Variants in ISM1 observed in about 807,000 individuals in gnomAD.
The protein encoded by ISM1 is isthmin-1.
In ISM1, 25 loss-of-function variants were observed where a neutral mutation model predicts 46.3. That is an observed-to-expected ratio of 0.54 (90% CI 0.39 to 0.75). The LOEUF is 0.75. Among genes scored for constraint, ISM1 ranks in the 30% least tolerant of loss-of-function variants. ISM1 has a pLI of 0.00. For synonymous variants in ISM1, 255 were observed against 256.7 expected, an observed-to-expected ratio of 0.99 and a Z score of 0.06; for missense variants, 536 against 625.4, an observed-to-expected ratio of 0.86 and a Z score of 1.52.
intron 5 of ISM1, among the ~76,000 whole-genome samples, chr20:13,297,532 A>T (rs1232511682): frequency 6.6e-6 from 1 of 152,194 alleles, no homozygotes; most frequent in Admixed American, 6.5e-5. Context: ...CCTGAGACTC[A>T]CTAAACCTGA....
At chr20:13,222,634 G>A in intron 1 of ISM1, among the ~76,000 whole-genome samples, 1 of 152,162 alleles carries the variant, frequency 6.6e-6, no homozygotes. Flanking sequence ...GTTGAAGGTC[G>A]CTTTAGCAAT....
intron 3 of ISM1, among the ~76,000 whole-genome samples, chr20:13,282,011 C>G (rs958478159): frequency 6.6e-6 from 1 of 152,188 alleles, no homozygotes; most frequent in South Asian, 2.1e-4. Context: ...GACTCCAGAC[C>G]TACTGAGTCA....
At chr20:13,251,680 G>C (rs1004718538) in intron 1 of ISM1, among the ~76,000 whole-genome samples, 1 of 152,210 alleles carries the variant, frequency 6.6e-6, no homozygotes, top group Admixed American at 6.5e-5. Flanking sequence ...AGCAAGAGTT[G>C]CAACAGACTC....
intron 1 of ISM1, among the ~76,000 whole-genome samples, chr20:13,263,557 C>T (rs2040011634): frequency 6.6e-6 from 1 of 152,194 alleles, no homozygotes; most frequent in African/African-American, 2.4e-5. Context: ...AAAACTTTTG[C>T]TCTTCCCTTT....
At chr20:13,306,887 C>G in the ISM1 span, among the ~76,000 whole-genome samples, 1 of 152,184 alleles carries the variant, frequency 6.6e-6, no homozygotes, top group East Asian at 1.9e-4. Flanking sequence ...AGGACAGAAT[C>G]TCCTGTCAAG....
chr20:13,294,342 A>C (rs1475039365), intron 5 of ISM1, among the ~76,000 whole-genome samples: 6 of 152,238 alleles, frequency 3.9e-5, no homozygotes, highest in African/African-American at 4.8e-5. Flanking sequence ...ATTGCATTTA[A>C]CAGGAACCGT....
chr20:13,282,955 T>G (rs1242864053), intron 3 of ISM1, among the ~76,000 whole-genome samples: 1 of 152,236 alleles, frequency 6.6e-6, no homozygotes, highest in Non-Finnish European at 1.5e-5. Context: ...CTTCCCAGGA[T>G]AGCCCACATT....
At chr20:13,308,512 C>T in the ISM1 span, among the ~76,000 whole-genome samples, 1 of 152,000 alleles carries the variant, frequency 6.6e-6, no homozygotes, top group East Asian at 1.9e-4. Context: ...TAGCTGGATG[C>T]ATCAGTTTCA....
At chr20:13,232,470 T>C (rs1453968012) in intron 1 of ISM1, among the ~76,000 whole-genome samples, 1 of 152,254 alleles carries the variant, frequency 6.6e-6, no homozygotes, top group African/African-American at 2.4e-5. Flanking sequence ...TGTGCATAGA[T>C]AATTTGTTCC....
chr20:13,233,049 G>T lies in ISM1; in HGVS notation c.138+11135G>T, dbSNP rs571730135. Among the ~76,000 whole-genome samples the T allele has an allele frequency of 5.3e-5, 8 of 152,038 alleles. No individual in the cohort carries two copies. The East Asian group carries it at 1.5e-3, about 29-fold the overall frequency. On this transcript the variant is annotated intron_variant, in intron 1 of 5. Transcript: ENST00000262487. ...CAAAAAAAAAAAAGAAAACAGGCCGGAAAAGTGTCCCAGAAGAAAACTCTA... is the reference window on the plus strand; with the variant it reads ...CAAAAAAAAAAAAGAAAACAGGCCGTAAAAGTGTCCCAGAAGAAAACTCTA...
chr20:13,313,039 A>G, the ISM1 span, among the ~76,000 whole-genome samples: 7 of 152,282 alleles, frequency 4.6e-5, no homozygotes, highest in Middle Eastern at 3.4e-3. Flanking sequence ...GTCCCCCTCG[A>G]GCTAAAAGGC....
intron 3 of ISM1, 70 bp downstream of exon 3, chr20:13,279,968 C>A: frequency 7.0e-7 from 1 of 1,421,294 alleles, no homozygotes; most frequent in Non-Finnish European, 9.6e-7. Context: ...GGACATGGAG[C>A]CAAGCAAAAC....
chr20:13,309,530 C>G, the ISM1 span, among the ~76,000 whole-genome samples: 1 of 152,228 alleles, frequency 6.6e-6, no homozygotes, highest in East Asian at 1.9e-4. Flanking sequence ...CCTCCAAGAT[C>G]AGGAACAAGA....
chr20:13,294,312 C>G (rs1371165369), intron 5 of ISM1, among the ~76,000 whole-genome samples: 1 of 152,208 alleles, frequency 6.6e-6, no homozygotes, highest in East Asian at 1.9e-4. Context: ...CCTCCAATCC[C>G]TTCACACACA....
chr20:13,287,105 T>C (rs188335473), intron 3 of ISM1, among the ~76,000 whole-genome samples: 130 of 152,278 alleles, frequency 8.5e-4, no homozygotes, highest in African/African-American at 3.0e-3. Flanking sequence ...TAAGAGGAAC[T>C]CAGTTTGATA....
chr20:13,281,536 C>G (rs2123287339), intron 3 of ISM1, among the ~76,000 whole-genome samples: 1 of 152,276 alleles, frequency 6.6e-6, no homozygotes, highest in East Asian at 1.9e-4. Context: ...AAAACTAAAG[C>G]CTGGAAAACT....
intron 1 of ISM1, among the ~76,000 whole-genome samples, chr20:13,245,915 G>A (rs116252838): frequency 0.039 from 5,945 of 152,060 alleles, 187 homozygotes; most frequent in African/African-American, 0.077. Flanking sequence ...CCTTGTACCC[G>A]CCCACTCCGA....
At chr20:13,326,410 GTA>G in the ISM1 span, among the ~76,000 whole-genome samples, 6 of 152,080 alleles carry the variant, frequency 3.9e-5, no homozygotes, top group Non-Finnish European at 8.8e-5. Flanking sequence ...AATTTAGTAA[GTA>G]TATGTATATA....
At chr20:13,307,668 CG>C in the ISM1 span, among the ~76,000 whole-genome samples, 1 of 152,180 alleles carries the variant, frequency 6.6e-6, no homozygotes, top group Non-Finnish European at 1.5e-5. Flanking sequence ...TTTTGACCTT[CG>C]GGTAAATGGA....
Sources: allele counts gnomAD v4.1 joint callset (sites outside exome capture counted in the v4.1 genomes callset), GRCh38; gene constraint gnomAD v4.1.1; transcripts MANE v1.5; gene names NCBI Gene and HGNC (gene_info 2026-07-23, HGNC 2026-07-21).